Variants in SARDH observed in about 807,000 individuals in gnomAD.
SARDH encodes sarcosine dehydrogenase, mitochondrial.
A neutral mutation model predicts 109.1 loss-of-function variants in SARDH; 95 were observed. That is an observed-to-expected ratio of 0.87 (90% CI 0.74 to 1.03). The LOEUF (loss-of-function observed/expected upper bound fraction) is 1.03. Ranked by LOEUF, SARDH falls within the 50% of genes least tolerant of loss-of-function variation. SARDH has a pLI of 0.00. For synonymous variants in SARDH, 572 were observed against 534.8 expected (o/e 1.07, Z -0.96); for missense variants, 1,267 against 1,287.8 (o/e 0.98, Z 0.25).
At position 133,712,759 on chromosome 9, in the gene SARDH, A is replaced by G; in HGVS notation, c.1238-50T>C. The G allele has an allele frequency of 6.4e-7, 1 of 1,551,480 alleles. No homozygotes were observed. Among genetic ancestry groups the G allele is most frequent in the Non-Finnish European group, 8.8e-7 (1 of 1,136,990 alleles). On this transcript the variant is annotated intron_variant, in intron 9 of 20. Transcript: ENST00000439388. This position sits in a 1 kb window ranked among gnomAD's most constrained non-coding sequence, Gnocchi z 4.1. ...TGCGGTCTGCCCCCCAGGGTCCCCCACCCATGTCCAAACATGTGCCCCCAT... is the reference window on the plus strand; with the variant it reads ...TGCGGTCTGCCCCCCAGGGTCCCCCGCCCATGTCCAAACATGTGCCCCCAT...
At position 133,734,148 on chromosome 9, in the gene SARDH, C is replaced by A; in HGVS notation, c.26G>T (p.Arg9Leu). Residue 9 changes from arginine (R) to leucine (L), a missense_variant, in exon 2 of 21, where the codon CGT (arginine) becomes CTT (leucine). Coordinates refer to ENST00000439388, the MANE Select transcript of SARDH (RefSeq NM_001134707.2). Reference protein sequence around the residue: MASLSRALRVAAAHPRQSP... With the variant: MASLSRALLVAAAHPRQSP... ...CTGGCGAGGGTGGGCAGCAGCCACA[C>A]GTAGGGCTCGGCTCAGTGAGGCCAT... is the stretch of plus-strand genomic sequence containing the variant. The A allele has an allele frequency of 6.2e-7, 1 of 1,603,522 alleles. No individual in the cohort carries two copies. Among genetic ancestry groups the A allele is most frequent in the Non-Finnish European group, 8.5e-7 (1 of 1,175,350 alleles).
intron 17 of SARDH, among the ~76,000 whole-genome samples, chr9:133,679,230 G>A (rs942228277): frequency 4.6e-5 from 7 of 152,164 alleles, no homozygotes; most frequent in African/African-American, 1.7e-4. Flanking sequence ...CCATGATATC[G>A]GGTATCTGTC....
At chr9:133,716,419 G>T (rs1042211546) in intron 8 of SARDH, among the ~76,000 whole-genome samples, 2 of 152,230 alleles carry the variant, frequency 1.3e-5, no homozygotes. Flanking sequence ...AAAGTCCCGT[G>T]GTTATAAACA....
At chr9:133,727,218 AC>A (rs1832523087) in intron 6 of SARDH, among the ~76,000 whole-genome samples, 1 of 152,126 alleles carries the variant, frequency 6.6e-6, no homozygotes, top group Non-Finnish European at 1.5e-5. Context: ...GCTCTCTAGG[AC>A]CCAGGCCTGG....
rs1000486819 is a variant in SARDH, at chr9:133,704,097, G to A, written c.1554+851C>T. ...TCCTCCCCGCAGGGTTCATGAGGACGGCATGTCCCTAGGGGCCAGCAGGAG... is the reference window on the plus strand; with the variant it reads ...TCCTCCCCGCAGGGTTCATGAGGACAGCATGTCCCTAGGGGCCAGCAGGAG... On this transcript the variant is annotated intron_variant, in intron 12 of 20. Coordinates refer to ENST00000439388, the MANE Select transcript of SARDH (RefSeq NM_001134707.2). This position sits in a 1 kb window ranked among gnomAD's most constrained non-coding sequence, Gnocchi z 4.5. Among the ~76,000 whole-genome samples, 50 of 152,118 alleles carry A rather than the reference G, an allele frequency of 3.3e-4. No homozygotes were observed. Among genetic ancestry groups the A allele is most frequent in the Admixed American group, 3.1e-3 (47 of 15,278 alleles).
At chr9:133,720,002 T>A (rs1832270171) in intron 6 of SARDH, among the ~76,000 whole-genome samples, 1 of 151,908 alleles carries the variant, frequency 6.6e-6, no homozygotes, top group African/African-American at 2.4e-5. Flanking sequence ...TCCCAGCTAT[T>A]CGGGAGGCTG....
chr9:133,670,628 C>T lies in SARDH; in HGVS notation c.2451G>A (p.Arg817=). ...CCAGGCGCCGGCGGAGGCCTGCGGC[C>T]CGCTGCTGCTCCAGGGCCTCCCTCC... ...FLGREALEQQ[R]AAGLRRRLVC... The change falls in exon 19 of 21, where the codon CGG becomes CGA. Residue 817 remains arginine, a synonymous_variant. Coordinates refer to ENST00000439388, the MANE Select transcript of SARDH (RefSeq NM_001134707.2). 6.3e-7 allele frequency: 1 copy of T among 1,581,742 alleles called. No homozygotes were observed. The highest frequency in any genetic ancestry group is 8.6e-7 in the Non-Finnish European group (1 of 1,164,500).
rs759956836 is a variant in SARDH at position 133,712,743 on chromosome 9, C to A, written c.1238-34G>T. The A allele has an allele frequency of 1.3e-6, 2 of 1,586,068 alleles. No homozygotes were observed. Among genetic ancestry groups the A allele is most frequent in the Non-Finnish European group, 1.7e-6 (2 of 1,165,674 alleles). Reference sequence around the variant, plus strand: ...AAGAGAAGCGCAGGGCTGCGGTCTGCCCCCCAGGGTCCCCCACCCATGTCC... The same window carrying A: ...AAGAGAAGCGCAGGGCTGCGGTCTGACCCCCAGGGTCCCCCACCCATGTCC... On this transcript the variant is annotated intron_variant, in intron 9 of 20. Coordinates refer to ENST00000439388, the MANE Select transcript of SARDH (RefSeq NM_001134707.2). The surrounding 1 kb of genome is among the most constrained non-coding windows in gnomAD (Gnocchi z 4.1).
In SARDH at chr9:133,694,255, T is replaced by C; in HGVS notation, c.1921+3A>G. The stretch of plus-strand genomic sequence containing the variant: ...GCGCCGTGTGCACAGAGGCATCCCA[T>C]ACCTTCAAAGGCGGGGGCCAGCGGG... On this transcript the variant is annotated splice_donor_region_variant and intron_variant, in intron 15 of 20. Coordinates refer to ENST00000439388, the MANE Select transcript of SARDH (RefSeq NM_001134707.2). The C allele has an allele frequency of 3.2e-6, 5 of 1,544,694 alleles. No individual in the cohort carries two copies. Among genetic ancestry groups the C allele is most frequent in the Non-Finnish European group, 4.4e-6 (5 of 1,142,202 alleles).
chr9:133,671,804 C>G, intron 17 of SARDH, 107 bp from the exon 18 acceptor site: 2 of 1,372,700 alleles, frequency 1.5e-6, no homozygotes, highest in Non-Finnish European at 2.0e-6. Context: ...GGATTATCAG[C>G]TGGCCCTGGG....
Position 133,729,870 on chromosome 9 carries a change from G to C in SARDH, c.815-5C>G. 1.9e-6 allele frequency: 3 copies of C among 1,611,132 alleles called. No homozygotes were observed. The highest frequency in any genetic ancestry group is 2.5e-6 in the Non-Finnish European group (3 of 1,179,872). On this transcript the variant is annotated splice_region_variant and splice_polypyrimidine_tract_variant and intron_variant, in intron 5 of 20. Transcript: ENST00000439388. Reference sequence around the variant, plus strand: ...CCACAGCACTTGCCCACACTCCTGCGGGCAGAGCACAGACAGCTCAGCTCT... The same window carrying C: ...CCACAGCACTTGCCCACACTCCTGCCGGCAGAGCACAGACAGCTCAGCTCT...
chr9:133,675,468 A>T (rs1182197187), intron 17 of SARDH, among the ~76,000 whole-genome samples: 2 of 152,236 alleles, frequency 1.3e-5, no homozygotes, highest in Non-Finnish European at 2.9e-5. Flanking sequence ...ACGCAAACCC[A>T]AGTCACAGTG....
At chr9:133,662,275 G>A (rs1057433237), downstream of SARDH, among the ~76,000 whole-genome samples, 4 of 152,150 alleles carry the variant, frequency 2.6e-5, no homozygotes, top group Non-Finnish European at 5.9e-5. The surrounding 1 kb of genome is among the most constrained non-coding windows in gnomAD (Gnocchi z 5.1). Context: ...AGCGGAACCC[G>A]GGCTCTGACC....
chr9:133,708,515 C>A, intron 10 of SARDH, 87 bp from the exon 11 acceptor site: 2 of 1,469,020 alleles, frequency 1.4e-6, no homozygotes, highest in East Asian at 2.4e-5. Flanking sequence ...GCCTGGACCC[C>A]GGTCCCCTGC....
At chr9:133,663,541 A>G, downstream of SARDH, 1 of 304,830 alleles carries the variant, frequency 3.3e-6, no homozygotes, top group Non-Finnish European at 6.1e-6. Flanking sequence ...GTAAAAGATG[A>G]AGCCTATTTG....
intron 19 of SARDH, among the ~76,000 whole-genome samples, chr9:133,667,902 A>T (rs1830130634): frequency 6.6e-6 from 1 of 152,140 alleles, no homozygotes; most frequent in Admixed American, 6.5e-5. Context: ...GCAGTGTGGC[A>T]GGGCTGTTCT....
At chr9:133,706,655 A>C (rs1230474795) in intron 11 of SARDH, among the ~76,000 whole-genome samples, 1 of 152,356 alleles carries the variant, frequency 6.6e-6, no homozygotes, top group East Asian at 1.9e-4. Context: ...CACACTAGAG[A>C]AACAGAGTGG....
Position 133,685,176 on chromosome 9 carries a change from G to A in SARDH, c.2163+17C>T. 1 of 1,611,176 alleles carries A rather than the reference G, an allele frequency of 6.2e-7. No homozygotes were observed. Among genetic ancestry groups the A allele is most frequent in the South Asian group, 1.1e-5 (1 of 90,924 alleles). On this transcript the variant is annotated intron_variant, in intron 17 of 20. Coordinates refer to ENST00000439388, the MANE Select transcript of SARDH (RefSeq NM_001134707.2). The stretch of plus-strand genomic sequence containing the variant: ...CTGCCACCCACGACCCAGAGGACGT[G>A]GCCAGCTGGAACCTACCAGGTGCCC...
At chr9:133,690,940 G>A (rs576128987) in intron 15 of SARDH, among the ~76,000 whole-genome samples, 65 of 152,060 alleles carry the variant, frequency 4.3e-4, no homozygotes, top group Non-Finnish European at 8.5e-4. Context: ...ACAACATCTG[G>A]CCCCACAGGG....
Sources: allele counts gnomAD v4.1 joint callset (sites outside exome capture counted in the v4.1 genomes callset), GRCh38; gene constraint gnomAD v4.1.1; non-coding constraint Gnocchi (gnomAD v3.1); transcripts MANE v1.5; gene names NCBI Gene and HGNC (gene_info 2026-07-23, HGNC 2026-07-21).